OR14A16: variants seen among roughly 807,000 people sequenced by gnomAD.
OR14A16 encodes the protein olfactory receptor 14A16.
For missense variants in OR14A16, 341 were observed against 366.5 expected, an observed-to-expected ratio of 0.93 and a Z score of 0.57; for synonymous variants, 135 against 137.6, an observed-to-expected ratio of 0.98 and a Z score of 0.13.
rs557446714 is a variant in OR14A16, at chr1:247,815,397, G to A, written c.333C>T (p.Leu111=). 1.5e-5 allele frequency: 25 copies of A among 1,613,492 alleles called. No homozygotes were observed. Among genetic ancestry groups the A allele is most frequent in the Non-Finnish European group, 2.1e-5 (25 of 1,179,694 alleles). ...LLLSSASAEL[L]LLTVMSFDRY... ...GGTCAAAGGACATCACCGTGAGGAG[G>A]AGCAGCTCTGCAGATGCTGAAGAAA... is the stretch of plus-strand genomic sequence containing the variant. Residue 111 remains leucine (L), a synonymous_variant, in exon 3 of 3, where the codon CTC becomes CTT. Coordinates refer to ENST00000641093, the MANE Select transcript of OR14A16 (RefSeq NM_001001966.2).
intron 2 of OR14A16, among the ~76,000 whole-genome samples, chr1:247,817,079 A>G (rs891071849): frequency 6.6e-6 from 1 of 152,202 alleles, no homozygotes; most frequent in African/African-American, 2.4e-5. Context: ...ATTCATTCGT[A>G]TTGCAGTGAC....
At chr1:247,818,285 G>A (rs1256919838) in intron 2 of OR14A16, among the ~76,000 whole-genome samples, 1 of 152,162 alleles carries the variant, frequency 6.6e-6, no homozygotes, top group Non-Finnish European at 1.5e-5. Flanking sequence ...TACACTGTTG[G>A]AGGGAATGTA....
Position 247,819,680 on chromosome 1 carries a change from T to G in OR14A16, c.-130-503A>C, listed in dbSNP as rs78433158. 7.1e-5 allele frequency among the ~76,000 whole-genome samples: 3 copies of G among 42,416 alleles called. No individual in the cohort carries two copies. In the East Asian group the frequency reaches 0.06, roughly 848 times the overall value. The allele number at this position is 42,416 out of a possible 152,430, so 27.8% of individuals were successfully genotyped here. A position where few individuals can be genotyped will look rare whatever the true frequency, so the allele number is the denominator to read the frequency against. ...ATCCATCACCTCACATAATTGCCTTTTGTGTGTATTTAGTAAGAACACCTA... is the reference window on the plus strand; with the variant it reads ...ATCCATCACCTCACATAATTGCCTTGTGTGTGTATTTAGTAAGAACACCTA... On this transcript the variant is annotated intron_variant, in intron 1 of 2. Transcript: ENST00000641093.
At position 247,822,314 on chromosome 1, in the gene OR14A16, C is replaced by T. The variant is rs114716708; in HGVS notation, c.-131+1639G>A. Among the ~76,000 whole-genome samples the T allele has an allele frequency of 9.2e-4, 15 of 16,376 alleles. 1 individual carries two copies. The highest frequency in any genetic ancestry group is 2.2e-3 in the African/African-American group (5 of 2,260). The allele number at this position is 16,376 out of a possible 152,430, so 10.7% of individuals were successfully genotyped here. A position where few individuals can be genotyped will look rare whatever the true frequency, so the allele number is the denominator to read the frequency against. On this transcript the variant is annotated intron_variant, in intron 1 of 2. Transcript: ENST00000641093. ...ATGGGGCTGGGGTGTGTGTGTGTGG[C>T]GGGGGGGGAGGGTGGGGATGCTGGC...
rs990300643 is a variant in OR14A16 at position 247,821,599 on chromosome 1, A to G, written c.-131+2354T>C. ...TCTGCTCTGTTTGATACCCATTTGGATGGAATATCCTGTCATCCTTATACT... is the reference window on the plus strand; with the variant it reads ...TCTGCTCTGTTTGATACCCATTTGGGTGGAATATCCTGTCATCCTTATACT... On this transcript the variant is annotated intron_variant, in intron 1 of 2. Coordinates refer to ENST00000641093, the MANE Select transcript of OR14A16 (RefSeq NM_001001966.2). Among the ~76,000 whole-genome samples, 5 of 113,214 alleles carry G rather than the reference A, an allele frequency of 4.4e-5. 1 individual carries two copies. Among genetic ancestry groups the G allele is most frequent in the Middle Eastern group, 4.1e-3 (1 of 244 alleles). The allele number at this position is 113,214 out of a possible 152,430, so 74.3% of individuals were successfully genotyped here. A position where few individuals can be genotyped will look rare whatever the true frequency, so the allele number is the denominator to read the frequency against.
Position 247,815,736 on chromosome 1 carries a change from A to T in OR14A16, c.-7T>A. On this transcript the variant is annotated 5_prime_UTR_variant, in exon 3 of 3. Transcript: ENST00000641093. ...CGATTGTGAGATTTGCCATTATTGC[A>T]GGAGTAATCTGCAGGAAAAGGAGAA... 1 of 1,458,462 alleles carries T rather than the reference A, an allele frequency of 6.9e-7. No individual in the cohort carries two copies. The allele number at this position is 1,458,462 out of a possible 1,614,324, so 90.3% of individuals were successfully genotyped here. A position where few individuals can be genotyped will look rare whatever the true frequency, so the allele number is the denominator to read the frequency against.
intron 2 of OR14A16, among the ~76,000 whole-genome samples, chr1:247,818,775 A>G (rs906175257): frequency 2.0e-5 from 3 of 152,206 alleles, no homozygotes; most frequent in Non-Finnish European, 1.5e-5. Flanking sequence ...TTAAAATGTG[A>G]ATAAGATTTA....
chr1:247,817,865 A>G (rs1479090407), intron 2 of OR14A16, among the ~76,000 whole-genome samples: 1 of 152,070 alleles, frequency 6.6e-6, no homozygotes, highest in African/African-American at 2.4e-5. Context: ...CATAATACAT[A>G]CTCCTCAACG....
intron 2 of OR14A16, among the ~76,000 whole-genome samples, chr1:247,817,027 A>G (rs1662634605): frequency 6.6e-6 from 1 of 152,216 alleles, no homozygotes; most frequent in Non-Finnish European, 1.5e-5. Context: ...ACATAATTTG[A>G]ACAAAATTCA....
Position 247,815,371 on chromosome 1 carries a change from C to A in OR14A16, c.359G>T (p.Arg120Leu), listed in dbSNP as rs754553727. ...CAGAGGGTGACATATAGCAGTATAGCGGTCAAAGGACATCACCGTGAGGAG... is the reference window on the plus strand; with the variant it reads ...CAGAGGGTGACATATAGCAGTATAGAGGTCAAAGGACATCACCGTGAGGAG... ...LLLLTVMSFD[R>L]YTAICHPLHY... is the part of the protein sequence containing the mutation. Residue 120 changes from arginine to leucine, a missense_variant, in exon 3 of 3, where the codon CGC becomes CTC. Transcript: ENST00000641093. 6.2e-7 allele frequency: 1 copy of A among 1,613,618 alleles called. No individual in the cohort carries two copies.
In OR14A16 at chr1:247,819,146, C is replaced by G. The variant is rs1298437320; in HGVS notation, c.-99G>C. Reference sequence around the variant, plus strand: ...TGCTTCTTTATTCATTTATAGAGTGCTTACTAAAGGCCAGATCTTTCTGTT... The same window carrying G: ...TGCTTCTTTATTCATTTATAGAGTGGTTACTAAAGGCCAGATCTTTCTGTT... On this transcript the variant is annotated 5_prime_UTR_variant, in exon 2 of 3. Coordinates refer to ENST00000641093, the MANE Select transcript of OR14A16 (RefSeq NM_001001966.2). 1 of 152,148 alleles carries G rather than the reference C, an allele frequency of 6.6e-6. No individual in the cohort carries two copies. The highest frequency in any genetic ancestry group is 1.5e-5 in the Non-Finnish European group (1 of 68,044). The allele number at this position is 152,148 out of a possible 1,614,324, so 9.4% of individuals were successfully genotyped here. A position where few individuals can be genotyped will look rare whatever the true frequency, so the allele number is the denominator to read the frequency against.
intron 2 of OR14A16, 129 bp downstream of exon 2, chr1:247,818,934 C>T (rs1167852506): frequency 6.6e-6 from 1 of 151,888 alleles, no homozygotes; most frequent in East Asian, 1.9e-4. Context: ...TTTTACACAT[C>T]TTATATCTGA....
chr1:247,815,010 AAGGCAAATAGAGT>A lies in OR14A16; in HGVS notation c.707_719del (p.Tyr236PhefsTer18). 6.2e-7 allele frequency: 1 copy of A among 1,613,968 alleles called. No individual in the cohort carries two copies. The stretch of plus-strand genomic sequence containing the variant: ...GAAATAACACAACCAGCAAGTGTGG[AAGGCAAATAGAGT>A]AGGCTTTTGACTGGCCTTCTGTGGA... On this transcript the variant is annotated frameshift_variant, in exon 3 of 3. Transcript: ENST00000641093. LOFTEE classifies it low-confidence loss of function (END_TRUNC).
At chr1:247,816,634 A>C (rs1662627211) in intron 2 of OR14A16, among the ~76,000 whole-genome samples, 1 of 152,118 alleles carries the variant, frequency 6.6e-6, no homozygotes, top group African/African-American at 2.4e-5. Flanking sequence ...AGGCTGAGGC[A>C]GGGTGAATCA....
At chr1:247,819,846 A>G (rs907670721) in intron 1 of OR14A16, among the ~76,000 whole-genome samples, 3 of 152,174 alleles carry the variant, frequency 2.0e-5, no homozygotes, top group African/African-American at 7.2e-5. Context: ...GGAAATGTTT[A>G]AACTTTTCAT....
Position 247,815,238 on chromosome 1 carries a change from TA to T in OR14A16, c.491del (p.Leu164TyrfsTer20). 1 of 1,454,082 alleles carries T rather than the reference TA, an allele frequency of 6.9e-7. No individual in the cohort carries two copies. The allele number at this position is 1,454,082 out of a possible 1,614,324, so 90.1% of individuals were successfully genotyped here. A position where few individuals can be genotyped will look rare whatever the true frequency, so the allele number is the denominator to read the frequency against. ...GGACCATGTTGGACCCACAGTAGGA[TA>T]AGGAGAAGGTGCCAGCTGTGTGCAT... Reference protein sequence around the residue: ...AVMHTAGTFSLSYCGSNMVHQ... With the variant: ...AVMHTAGTFSXSYCGSNMVHQ... On this transcript the variant is annotated frameshift_variant, in exon 3 of 3. Coordinates refer to ENST00000641093, the MANE Select transcript of OR14A16 (RefSeq NM_001001966.2). LOFTEE classifies it low-confidence loss of function (END_TRUNC).
In OR14A16 at chr1:247,814,810, G is replaced by T. The variant is rs1393476879; in HGVS notation, c.920C>A (p.Thr307Asn). 1.6e-5 allele frequency: 25 copies of T among 1,541,744 alleles called. No individual in the cohort carries two copies. Among genetic ancestry groups the T allele is most frequent in the Non-Finnish European group, 1.9e-5 (22 of 1,149,240 alleles). Residue 307 changes from threonine (T) to asparagine (N), a missense_variant, in exon 3 of 3, where the codon ACC becomes AAC. Physicochemically the swap from Thr to Asn is moderately conservative, Grantham distance 65. Coordinates refer to ENST00000641093, the MANE Select transcript of OR14A16 (RefSeq NM_001001966.2). Reference protein sequence around the residue: ...ALGMLIKGKLTKK With the variant: ...ALGMLIKGKLNKK ...GAAAAGCAACAGCTTTTACTTTTTG[G>T]TGAGCTTTCCCTTTATCAACATCCC...
chr1:247,820,138 G>A (rs985361084), intron 1 of OR14A16, among the ~76,000 whole-genome samples: 1 of 152,110 alleles, frequency 6.6e-6, no homozygotes, highest in African/African-American at 2.4e-5. Flanking sequence ...TTTCATTGAA[G>A]ATTTTTGCAT....
At chr1:247,819,983 T>C (rs758717872) in intron 1 of OR14A16, among the ~76,000 whole-genome samples, 1 of 152,252 alleles carries the variant, frequency 6.6e-6, no homozygotes. Flanking sequence ...TGAAATATTC[T>C]ATGGTTTGGT....
Sources: gnomAD v4.1 joint callset for allele counts (sites outside exome capture counted in the v4.1 genomes callset) on GRCh38, gnomAD v4.1.1 for gene constraint, MANE v1.5 for transcripts, NCBI Gene and HGNC (gene_info 2026-07-23, HGNC 2026-07-21) for gene names.